Variants in SDK1 observed in about 807,000 individuals in gnomAD.
SDK1 encodes the protein protein sidekick-1.
In SDK1, 157 loss-of-function variants were observed where a neutral mutation model predicts 245.5. That is an observed-to-expected ratio of 0.64 (90% confidence interval 0.56 to 0.73). The LOEUF is 0.73. Among genes scored for constraint, SDK1 ranks in the 30% least tolerant of loss-of-function variants. SDK1 has a pLI of 0.00. For missense variants in SDK1, 3,583 were observed against 3,002.3 expected, an observed-to-expected ratio of 1.19 and a Z score of -4.52; for synonymous variants, 1,647 against 1,278.5, an observed-to-expected ratio of 1.29 and a Z score of -6.15.
intron 1 of SDK1, among the ~76,000 whole-genome samples, chr7:3,377,840 A>C (rs975951560): frequency 1.3e-5 from 2 of 152,092 alleles, no homozygotes; most frequent in African/African-American, 4.8e-5. Flanking sequence ...GTGCAGTGGC[A>C]CGATCTCGGC....
intron 1 of SDK1, among the ~76,000 whole-genome samples, chr7:3,322,168 G>A (rs2128547759): frequency 6.6e-6 from 1 of 152,142 alleles, no homozygotes; most frequent in South Asian, 2.1e-4. Context: ...TACGTATTAA[G>A]CAGCCCCTAA....
intron 19 of SDK1, among the ~76,000 whole-genome samples, chr7:4,062,728 C>A (rs1299034851): frequency 6.6e-6 from 1 of 152,100 alleles, no homozygotes; most frequent in Non-Finnish European, 1.5e-5. Context: ...CAAACTGAAT[C>A]CAACAGCACG....
At chr7:4,190,417 G>A (rs1016493890) in intron 35 of SDK1, among the ~76,000 whole-genome samples, 1 of 152,214 alleles carries the variant, frequency 6.6e-6, no homozygotes, top group Non-Finnish European at 1.5e-5. Flanking sequence ...GGTGGGAACC[G>A]TTGCTCCGTT....
At chr7:3,733,963 A>G (rs1331074737) in intron 4 of SDK1, among the ~76,000 whole-genome samples, 5 of 152,114 alleles carry the variant, frequency 3.3e-5, no homozygotes, top group African/African-American at 4.8e-5. Flanking sequence ...TTTATTTTCA[A>G]AAGGCTCCCA....
At chr7:4,148,661 C>T (rs1338984648) in intron 29 of SDK1, among the ~76,000 whole-genome samples, 1 of 152,238 alleles carries the variant, frequency 6.6e-6, no homozygotes, top group Non-Finnish European at 1.5e-5. Flanking sequence ...CCCCAGCTGT[C>T]ATCACAGACA....
intron 1 of SDK1, among the ~76,000 whole-genome samples, chr7:3,380,365 C>T (rs903643224): frequency 6.6e-6 from 1 of 152,160 alleles, no homozygotes; most frequent in African/African-American, 2.4e-5. Flanking sequence ...TTAAATGGTT[C>T]ACAGTGATCA....
chr7:3,502,121 G>A (rs1314379303), intron 1 of SDK1, among the ~76,000 whole-genome samples: 5 of 152,028 alleles, frequency 3.3e-5, no homozygotes, highest in African/African-American at 1.2e-4. Flanking sequence ...AGACAAACGT[G>A]TGAGTTAGAA....
chr7:3,381,317 C>T (rs1320331038), intron 1 of SDK1, among the ~76,000 whole-genome samples: 1 of 151,914 alleles, frequency 6.6e-6, no homozygotes, highest in Admixed American at 6.6e-5. Flanking sequence ...CGTATGCTGG[C>T]GAGTGAAGTC....
intron 5 of SDK1, among the ~76,000 whole-genome samples, chr7:3,950,289 G>T (rs1780750583): frequency 6.6e-6 from 1 of 152,158 alleles, no homozygotes; most frequent in Non-Finnish European, 1.5e-5. Flanking sequence ...GGGAGTTCAG[G>T]TAGGGGCCAT....
intron 1 of SDK1, among the ~76,000 whole-genome samples, chr7:3,583,496 C>A (rs567904665): frequency 2.6e-5 from 4 of 152,292 alleles, no homozygotes; most frequent in African/African-American, 9.6e-5. Flanking sequence ...GAATCCACAT[C>A]TGTATTTAGA....
chr7:3,713,883 G>A (rs1030340242), intron 4 of SDK1, among the ~76,000 whole-genome samples: 3 of 152,156 alleles, frequency 2.0e-5, no homozygotes, highest in African/African-American at 7.2e-5. Flanking sequence ...AAAACCGAGA[G>A]TCAGGAATCA....
chr7:3,930,948 T>C (rs1403907620), intron 5 of SDK1, among the ~76,000 whole-genome samples: 5 of 152,230 alleles, frequency 3.3e-5, no homozygotes. Context: ...CTTAGAAAAG[T>C]CTAGTTGTAA....
chr7:3,473,690 C>A (rs77877508), intron 1 of SDK1, among the ~76,000 whole-genome samples: 3 of 150,294 alleles, frequency 2.0e-5, no homozygotes, highest in Admixed American at 1.3e-4. Flanking sequence ...TTTTTTTTTC[C>A]ATTTTATCTT....
chr7:3,708,258 C>A (rs959351992), intron 4 of SDK1, among the ~76,000 whole-genome samples: 2 of 152,164 alleles, frequency 1.3e-5, no homozygotes, highest in African/African-American at 4.8e-5. Context: ...CTAAACCATT[C>A]ATGAGAAACC....
intron 1 of SDK1, among the ~76,000 whole-genome samples, chr7:3,400,665 G>T (rs1245054566): frequency 1.3e-5 from 2 of 152,266 alleles, no homozygotes; most frequent in South Asian, 2.1e-4. Flanking sequence ...GGGAGTGGGG[G>T]TTACCTAGAA....
At chr7:3,558,997 A>G (rs1779670263) in intron 1 of SDK1, among the ~76,000 whole-genome samples, 1 of 152,218 alleles carries the variant, frequency 6.6e-6, no homozygotes, top group African/African-American at 2.4e-5. Flanking sequence ...GGGTATTGGA[A>G]GGAATGGCTG....
chr7:4,157,528 G>A (rs1185908578), intron 30 of SDK1, among the ~76,000 whole-genome samples: 1 of 148,192 alleles, frequency 6.7e-6, no homozygotes, highest in Non-Finnish European at 1.5e-5. Flanking sequence ...GGGGAGGGAG[G>A]GAGGAAGGAA....
chr7:3,335,914 G>T (rs1780188255), intron 1 of SDK1, among the ~76,000 whole-genome samples: 1 of 150,346 alleles, frequency 6.7e-6, no homozygotes, highest in Admixed American at 6.6e-5. Flanking sequence ...AGCATAGGAA[G>T]ATGCTGAAAG....
At chr7:3,632,673 C>T (rs142243645) in intron 2 of SDK1, among the ~76,000 whole-genome samples, 46 of 152,280 alleles carry the variant, frequency 3.0e-4, no homozygotes, top group African/African-American at 9.9e-4. Context: ...TAGCTTCCAT[C>T]GTTACCATAC....
Sources: gnomAD v4.1 joint callset for allele counts (sites outside exome capture counted in the v4.1 genomes callset) on GRCh38, gnomAD v4.1.1 for gene constraint, MANE v1.5 for transcripts, NCBI Gene and HGNC (gene_info 2026-07-23, HGNC 2026-07-21) for gene names.